The following SMOC2 variants were observed in gnomAD, a reference collection of about 807,000 sequenced individuals.
SMOC2 encodes SPARC-related modular calcium-binding protein 2.
A neutral mutation model predicts 61.4 loss-of-function variants in SMOC2; 39 were observed. The ratio of observed to expected loss-of-function variants is 0.64; its 90% confidence interval spans 0.49 to 0.83. The LOEUF (loss-of-function observed/expected upper bound fraction) is 0.83. SMOC2 is among the 40% of genes least tolerant of loss of function. The pLI is 0.00. For synonymous variants in SMOC2, 247 were observed against 239.9 expected, an observed-to-expected ratio of 1.03 and a Z score of -0.27; for missense variants, 556 against 592.9, an observed-to-expected ratio of 0.94 and a Z score of 0.65.
chr6:168,634,375 T>C (rs1052461226), intron 9 of SMOC2, among the ~76,000 whole-genome samples: 1 of 152,214 alleles, frequency 6.6e-6, no homozygotes, highest in African/African-American at 2.4e-5. Context: ...TAATTGTGCA[T>C]CAAGGGTTGG....
At position 168,458,138 on chromosome 6, in the gene SMOC2, T is replaced by C. The variant is rs1190355446; in HGVS notation, c.84+16684T>C. Among the ~76,000 whole-genome samples, 4 of 152,316 alleles carry C rather than the reference T, an allele frequency of 2.6e-5. No individual in the cohort carries two copies. In the South Asian group the frequency reaches 8.3e-4, roughly 32 times the overall value. ...GTGTGACCCAGAGGCCGGGCTGTGG[T>C]GAGGCTTCAGGGTGTGGGGACCGTT... is the stretch of plus-strand genomic sequence containing the variant. On this transcript the variant is annotated intron_variant, in intron 1 of 12. Coordinates refer to ENST00000356284, the MANE Select transcript of SMOC2 (RefSeq NM_001166412.2).
chr6:168,475,239 T>C lies in SMOC2; in HGVS notation c.84+33785T>C, dbSNP rs1782050848. 6.6e-6 allele frequency among the ~76,000 whole-genome samples: 1 copy of C among 152,064 alleles called. No individual in the cohort carries two copies. Among genetic ancestry groups the C allele is most frequent in the Non-Finnish European group, 1.5e-5 (1 of 67,992 alleles). On this transcript the variant is annotated intron_variant, in intron 1 of 12. Transcript: ENST00000356284. The surrounding 1 kb of genome is among the most constrained non-coding windows in gnomAD (Gnocchi z 4.6). ...ACCCTTGCTTTGGAGAAGCTAAACTTTGAAGTGTGTGGAAGGCAGCTTGGA... is the reference window on the plus strand; with the variant it reads ...ACCCTTGCTTTGGAGAAGCTAAACTCTGAAGTGTGTGGAAGGCAGCTTGGA...
At chr6:168,450,664 G>A (rs1781439858) in intron 1 of SMOC2, among the ~76,000 whole-genome samples, 1 of 152,128 alleles carries the variant, frequency 6.6e-6, no homozygotes, top group Admixed American at 6.5e-5. Context: ...ATGATCTCGG[G>A]CCCTGACACT....
intron 2 of SMOC2, among the ~76,000 whole-genome samples, chr6:168,516,931 C>T (rs954109195): frequency 5.9e-5 from 9 of 152,024 alleles, no homozygotes; most frequent in Admixed American, 2.6e-4. Context: ...TCCAGCCTGG[C>T]GACAACACTG....
intron 9 of SMOC2, 121 bp downstream of exon 9, chr6:168,608,360 GCCT>G (rs1562378805): frequency 9.1e-7 from 1 of 1,103,900 alleles, no homozygotes; most frequent in East Asian, 2.6e-5. Context: ...TGACTCTGAG[GCCT>G]CCTACCTCCT....
chr6:168,555,323 A>T (rs1397129483), intron 7 of SMOC2, among the ~76,000 whole-genome samples: 1 of 152,248 alleles, frequency 6.6e-6, no homozygotes, highest in African/African-American at 2.4e-5. Context: ...CACCCGTCAA[A>T]TATCCGGGGT....
At chr6:168,442,100 T>C (rs1183394865) in intron 1 of SMOC2, among the ~76,000 whole-genome samples, 5 of 152,214 alleles carry the variant, frequency 3.3e-5, no homozygotes, top group Admixed American at 2.6e-4. Context: ...AAGAAGCAGA[T>C]GAGGTTACAG....
intron 7 of SMOC2, among the ~76,000 whole-genome samples, chr6:168,557,366 T>G (rs1583106760): frequency 6.6e-6 from 1 of 152,324 alleles, no homozygotes; most frequent in Middle Eastern, 3.4e-3. Flanking sequence ...TTTATCCAAT[T>G]TTCATAATTA....
At chr6:168,487,731 G>A (rs1782368056) in intron 1 of SMOC2, among the ~76,000 whole-genome samples, 1 of 152,096 alleles carries the variant, frequency 6.6e-6, no homozygotes, top group Non-Finnish European at 1.5e-5. Context: ...TCAAACTCCT[G>A]ACTTCAGGTG....
rs1450743275 is a variant in SMOC2 at position 168,453,183 on chromosome 6, T to G, written c.84+11729T>G. On this transcript the variant is annotated intron_variant, in intron 1 of 12. Transcript: ENST00000356284. This position sits in a 1 kb window ranked among gnomAD's most constrained non-coding sequence, Gnocchi z 4.4. ...GGCAGGTGCAGGCTGTTCTAGAGTG[T>G]GCTCAGGGTGGCCTGACAAATGCGG... 3.5e-5 allele frequency among the ~76,000 whole-genome samples: 5 copies of G among 141,490 alleles called. No homozygotes were observed. The highest frequency in any genetic ancestry group is 1.3e-4 in the African/African-American group (5 of 37,766). The allele number at this position is 141,490 out of a possible 152,430, so 92.8% of individuals were successfully genotyped here.
chr6:168,633,071 C>T (rs909263621), intron 9 of SMOC2, among the ~76,000 whole-genome samples: 1 of 152,186 alleles, frequency 6.6e-6, no homozygotes, highest in African/African-American at 2.4e-5. Flanking sequence ...ACCAGGTAAA[C>T]CCAATCTGCA....
intron 11 of SMOC2, chr6:168,655,627 T>C (rs1322709870): frequency 5.9e-6 from 2 of 338,500 alleles, no homozygotes; most frequent in East Asian, 1.5e-4. Context: ...GTGTGCTGGA[T>C]CCCCTCACAC....
At chr6:168,664,699 T>C (rs187962732) in intron 12 of SMOC2, 1 of 470,894 alleles carries the variant, frequency 2.1e-6, no homozygotes, top group African/African-American at 2.0e-5. Flanking sequence ...AAACATGTGT[T>C]GTGTTTCTGG....
At chr6:168,468,224 CAG>C (rs1055932342) in intron 1 of SMOC2, among the ~76,000 whole-genome samples, 3 of 152,176 alleles carry the variant, frequency 2.0e-5, no homozygotes, top group Non-Finnish European at 2.9e-5. Context: ...TCGAGGGACA[CAG>C]GGCGCTGCGG....
At chr6:168,516,348 C>T (rs1419767559) in intron 2 of SMOC2, among the ~76,000 whole-genome samples, 1 of 140,956 alleles carries the variant, frequency 7.1e-6, no homozygotes, top group Non-Finnish European at 1.5e-5. Flanking sequence ...TTCTTTTCAA[C>T]AAAATCTCTG....
rs573320403 is a variant in SMOC2, at chr6:168,560,508, G to C, written c.637+11305G>C. On this transcript the variant is annotated intron_variant, in intron 7 of 12. Transcript: ENST00000356284. The stretch of plus-strand genomic sequence containing the variant: ...CCACCTTTCTGGCCCTGAGATGTGA[G>C]GCTCTCACTGCGTTCTTGGAGGAGG... Among the ~76,000 whole-genome samples, 4 of 146,632 alleles carry C rather than the reference G, an allele frequency of 2.7e-5. No homozygotes were observed. The South Asian group carries it at 8.7e-4, about 32-fold the overall frequency.
At chr6:168,645,764 A>G (rs757769212) in intron 9 of SMOC2, among the ~76,000 whole-genome samples, 17 of 152,042 alleles carry the variant, frequency 1.1e-4, no homozygotes, top group Admixed American at 5.9e-4. Flanking sequence ...CAGGCCCCCA[A>G]TGGGAGACGA....
intron 11 of SMOC2, chr6:168,655,280 AG>A: frequency 2.5e-6 from 1 of 405,512 alleles, no homozygotes; most frequent in East Asian, 7.2e-5. Flanking sequence ...ACGTTAGGCC[AG>A]TTCACAAGCC....
chr6:168,537,821 C>T (rs552846524), intron 4 of SMOC2, among the ~76,000 whole-genome samples: 1 of 150,542 alleles, frequency 6.6e-6, no homozygotes, highest in Non-Finnish European at 1.5e-5. Flanking sequence ...GTTCTGTCAG[C>T]ACGAAGGGGA....
Sources: gnomAD v4.1 joint callset for allele counts (sites outside exome capture counted in the v4.1 genomes callset) on GRCh38, gnomAD v4.1.1 for gene constraint, Gnocchi (gnomAD v3.1) non-coding constraint, MANE v1.5 for transcripts, NCBI Gene and HGNC (gene_info 2026-07-23, HGNC 2026-07-21) for gene names.